The following KCNH5 variants were observed in gnomAD, a reference collection of about 807,000 sequenced individuals.
KCNH5 encodes the protein voltage-gated delayed rectifier potassium channel KCNH5.
In KCNH5, 46 loss-of-function variants were observed where a neutral mutation model predicts 96.1. The observed-to-expected ratio is 0.48, with a 90% CI of 0.38 to 0.61. KCNH5 has a LOEUF of 0.61. Ranked by LOEUF, KCNH5 falls within the 20% of genes least tolerant of loss-of-function variation. The pLI, the probability that KCNH5 is intolerant of heterozygous loss-of-function variation, is 0.00. For missense variants in KCNH5, 907 were observed against 1,225.8 expected (o/e 0.74, Z 3.88); for synonymous variants, 439 against 449.8 (o/e 0.98, Z 0.30).
At chr14:62,775,245 C>T (rs896290840) in intron 10 of KCNH5, among the ~76,000 whole-genome samples, 1 of 152,140 alleles carries the variant, frequency 6.6e-6, no homozygotes, top group Non-Finnish European at 1.5e-5. Flanking sequence ...TTGTTTTCAT[C>T]AAAATGTCCA....
At chr14:62,964,640 G>A (rs553518591) in intron 6 of KCNH5, among the ~76,000 whole-genome samples, 8 of 152,010 alleles carry the variant, frequency 5.3e-5, no homozygotes, top group Admixed American at 3.3e-4. Flanking sequence ...ACTTTCTATC[G>A]TAAATTCTTT....
chr14:62,999,569 T>C (rs1168358350), intron 4 of KCNH5, among the ~76,000 whole-genome samples: 3 of 151,842 alleles, frequency 2.0e-5, no homozygotes, highest in Non-Finnish European at 4.4e-5. Flanking sequence ...TGTAGGGACA[T>C]AGGTGAAATT....
chr14:62,790,600 T>C (rs1357336626), intron 9 of KCNH5, among the ~76,000 whole-genome samples: 8 of 151,498 alleles, frequency 5.3e-5, no homozygotes, highest in African/African-American at 1.7e-4. Flanking sequence ...TTTTCACTGT[T>C]CCTTGTGGAG....
chr14:62,882,775 T>C (rs1464431509), intron 7 of KCNH5, among the ~76,000 whole-genome samples: 1 of 152,208 alleles, frequency 6.6e-6, no homozygotes, highest in Non-Finnish European at 1.5e-5. Flanking sequence ...CTCTTCAGAA[T>C]TGGACACAGA....
intron 7 of KCNH5, among the ~76,000 whole-genome samples, chr14:62,948,270 T>C (rs1159025768): frequency 6.6e-6 from 1 of 152,154 alleles, no homozygotes; most frequent in African/African-American, 2.4e-5. Context: ...CTATTTTGAA[T>C]AATGCTGCAA....
At chr14:62,817,675 T>A (rs562155452) in intron 8 of KCNH5, among the ~76,000 whole-genome samples, 2 of 146,558 alleles carry the variant, frequency 1.4e-5, no homozygotes, top group African/African-American at 2.5e-5. Context: ...ATTACTGCCA[T>A]GGAAAATTCT....
At chr14:62,855,542 C>G (rs1303630513) in intron 7 of KCNH5, among the ~76,000 whole-genome samples, 1 of 152,120 alleles carries the variant, frequency 6.6e-6, no homozygotes, top group African/African-American at 2.4e-5. Flanking sequence ...TTTTCTTAAG[C>G]CACTAAATGT....
chr14:63,045,403 C>T lies in KCNH5; in HGVS notation c.-217G>A. 1.7e-6 allele frequency: 1 copy of T among 572,196 alleles called. No individual in the cohort carries two copies. The highest frequency in any genetic ancestry group is 3.1e-6 in the Non-Finnish European group (1 of 318,286). 35.4% of individuals were successfully genotyped at this position (572,196 alleles called of 1,614,324 possible). A position where few individuals can be genotyped will look rare whatever the true frequency, so the allele number is the denominator to read the frequency against. ...CAGGCAGTTCATGGTAGTAGCGCTCCCCCGGCCGCCGCTGCCCAGACTGTG... is the reference window on the plus strand; with the variant it reads ...CAGGCAGTTCATGGTAGTAGCGCTCTCCCGGCCGCCGCTGCCCAGACTGTG... On this transcript the variant is annotated 5_prime_UTR_variant, in exon 1 of 11. Coordinates refer to ENST00000322893, the MANE Select transcript of KCNH5 (RefSeq NM_139318.5).
intron 7 of KCNH5, among the ~76,000 whole-genome samples, chr14:62,868,621 G>T (rs971823366): frequency 1.3e-5 from 2 of 152,028 alleles, no homozygotes; most frequent in African/African-American, 4.8e-5. Flanking sequence ...TGTTACACAG[G>T]TATACACGTG....
At chr14:62,924,655 G>T (rs1318124074) in intron 7 of KCNH5, among the ~76,000 whole-genome samples, 1 of 151,854 alleles carries the variant, frequency 6.6e-6, no homozygotes, top group African/African-American at 2.4e-5. Context: ...AAATCCTGCT[G>T]CCATTTGCAA....
intron 10 of KCNH5, among the ~76,000 whole-genome samples, chr14:62,710,159 A>G (rs752141668): frequency 1.3e-5 from 2 of 152,256 alleles, no homozygotes; most frequent in African/African-American, 2.4e-5. Flanking sequence ...CACCGTTAAC[A>G]GAAAAGCCAG....
intron 1 of KCNH5, among the ~76,000 whole-genome samples, chr14:63,025,331 T>G (rs1485935711): frequency 6.6e-6 from 1 of 152,046 alleles, no homozygotes; most frequent in Admixed American, 6.6e-5. Flanking sequence ...AAGGATCCTG[T>G]TCTTACCACT....
chr14:62,766,822 A>G (rs917024515), intron 10 of KCNH5, among the ~76,000 whole-genome samples: 1 of 152,116 alleles, frequency 6.6e-6, no homozygotes, highest in Non-Finnish European at 1.5e-5. Context: ...AAAATAACTA[A>G]AAGAGTGTAA....
chr14:62,885,053 T>C (rs1022784628), intron 7 of KCNH5, among the ~76,000 whole-genome samples: 5 of 152,186 alleles, frequency 3.3e-5, no homozygotes, highest in East Asian at 1.9e-4. Context: ...CTTTAATTAA[T>C]GAAAGTAAAG....
intron 9 of KCNH5, among the ~76,000 whole-genome samples, chr14:62,796,966 A>T (rs1264624903): frequency 6.6e-6 from 1 of 152,146 alleles, no homozygotes; most frequent in African/African-American, 2.4e-5. Flanking sequence ...TCAGATATGC[A>T]TCTATCTTAG....
intron 10 of KCNH5, among the ~76,000 whole-genome samples, chr14:62,771,332 A>G (rs1390778799): frequency 6.6e-6 from 1 of 152,202 alleles, no homozygotes; most frequent in Non-Finnish European, 1.5e-5. Flanking sequence ...GATGTTTAAT[A>G]AAAATGAGTC....
chr14:62,927,367 C>A (rs1302582071), intron 7 of KCNH5, among the ~76,000 whole-genome samples: 1 of 152,076 alleles, frequency 6.6e-6, no homozygotes, highest in African/African-American at 2.4e-5. Context: ...ACCATATGAT[C>A]CAGCAATTTC....
intron 10 of KCNH5, among the ~76,000 whole-genome samples, chr14:62,757,863 C>T (rs568809683): frequency 1.3e-4 from 20 of 152,118 alleles, no homozygotes; most frequent in African/African-American, 4.8e-4. Flanking sequence ...AAAATAGTTA[C>T]AGCCGAGGGT....
chr14:62,807,839 G>A (rs1886798374), intron 8 of KCNH5, among the ~76,000 whole-genome samples: 1 of 152,116 alleles, frequency 6.6e-6, no homozygotes, highest in African/African-American at 2.4e-5. Flanking sequence ...TTTGTTAAAG[G>A]GAATTTATGC....
Sources: allele counts gnomAD v4.1 joint callset (sites outside exome capture counted in the v4.1 genomes callset), GRCh38; gene constraint gnomAD v4.1.1; transcripts MANE v1.5; gene names NCBI Gene and HGNC (gene_info 2026-07-23, HGNC 2026-07-21).